MCM9: variants seen among roughly 807,000 people sequenced by gnomAD.
MCM9 encodes the protein DNA helicase MCM9.
A neutral mutation model predicts 72.8 loss-of-function variants in MCM9; 55 were observed. The observed-to-expected ratio is 0.76, with a 90% confidence interval of 0.61 to 0.95. The LOEUF is 0.95. MCM9 is among the 40% of genes least tolerant of loss of function. The pLI is 0.00. For missense variants in MCM9, 1,279 were observed against 1,377.0 expected (o/e 0.93, Z 1.13); for synonymous variants, 480 against 503.4 (o/e 0.95, Z 0.62).
intron 8 of MCM9, among the ~76,000 whole-genome samples, chr6:118,877,163 C>T (rs1777985079): frequency 6.6e-6 from 1 of 152,226 alleles, no homozygotes; most frequent in Admixed American, 6.5e-5. Flanking sequence ...AACCTACAGT[C>T]AGCACCAATG....
intron 8 of MCM9, among the ~76,000 whole-genome samples, chr6:118,871,155 C>G (rs1777573010): frequency 6.6e-6 from 1 of 152,102 alleles, no homozygotes; most frequent in African/African-American, 2.4e-5. Context: ...AAAAAATTTA[C>G]AGGCCAATAT....
At chr6:118,826,046 C>A in intron 13 of MCM9, 101 bp downstream of exon 13, 2 of 1,315,052 alleles carry the variant, frequency 1.5e-6, no homozygotes, top group Non-Finnish European at 1.0e-6. Context: ...GACCCAACAC[C>A]TGATAGATAG....
intron 8 of MCM9, among the ~76,000 whole-genome samples, chr6:118,874,688 G>C (rs1268987953): frequency 6.6e-6 from 1 of 152,194 alleles, no homozygotes; most frequent in Non-Finnish European, 1.5e-5. Context: ...TAGGATGTCT[G>C]AACAAACTGA....
chr6:118,861,720 C>T (rs1440613859), intron 8 of MCM9, among the ~76,000 whole-genome samples: 1 of 152,150 alleles, frequency 6.6e-6, no homozygotes, highest in East Asian at 1.9e-4. Flanking sequence ...GGAGGAAGTG[C>T]ATGCTGACTG....
chr6:118,930,187 T>C (rs1056894629), intron 3 of MCM9, among the ~76,000 whole-genome samples: 2 of 152,190 alleles, frequency 1.3e-5, no homozygotes, highest in South Asian at 2.1e-4. Flanking sequence ...CTCGGCTCAC[T>C]GCAAGCTCCG....
At chr6:118,837,573 T>G (rs922791209) in intron 9 of MCM9, among the ~76,000 whole-genome samples, 2 of 152,232 alleles carry the variant, frequency 1.3e-5, no homozygotes, top group African/African-American at 2.4e-5. Flanking sequence ...GCATATATAT[T>G]CAGGATAGTT....
chr6:118,845,527 T>C (rs1009951951), intron 9 of MCM9, among the ~76,000 whole-genome samples: 28 of 151,918 alleles, frequency 1.8e-4, no homozygotes, highest in African/African-American at 5.8e-4. Context: ...TTAAAAAAAT[T>C]TTTTTGTTGG....
chr6:118,816,249 C>T lies in MCM9; in HGVS notation c.2007G>A (p.Glu669=), dbSNP rs1331284738. The change falls in exon 14 of 14, where the codon GAG becomes GAA. Residue 669 remains glutamate, a synonymous_variant. Coordinates refer to ENST00000619706, the MANE Select transcript of MCM9 (RefSeq NM_017696.3). ...SVHQSQPRVL[E]VETTPGSLRN... ...TCAAGGATCCTGGAGTAGTCTCTACCTCCAATACCCGTGGTTGGGATTGGT... is the reference window on the plus strand; with the variant it reads ...TCAAGGATCCTGGAGTAGTCTCTACTTCCAATACCCGTGGTTGGGATTGGT... 9 of 1,549,594 alleles carry T rather than the reference C, an allele frequency of 5.8e-6. No homozygotes were observed. Among genetic ancestry groups the T allele is most frequent in the Middle Eastern group, 1.7e-4 (1 of 5,982 alleles).
chr6:118,865,370 C>T (rs1163673433), intron 8 of MCM9, among the ~76,000 whole-genome samples: 1 of 152,162 alleles, frequency 6.6e-6, no homozygotes, highest in Non-Finnish European at 1.5e-5. Context: ...CCTAAATATT[C>T]CCTCTCTAAA....
At chr6:118,835,941 T>A (rs1376621420) in intron 9 of MCM9, among the ~76,000 whole-genome samples, 1 of 152,228 alleles carries the variant, frequency 6.6e-6, no homozygotes, top group East Asian at 1.9e-4. Flanking sequence ...TCAAGGGGAA[T>A]GCTTCCAGCT....
chr6:118,861,260 C>G (rs1776886817), intron 8 of MCM9, among the ~76,000 whole-genome samples: 1 of 152,186 alleles, frequency 6.6e-6, no homozygotes, highest in African/African-American at 2.4e-5. Flanking sequence ...TCGGAGACAC[C>G]AGGAACTGCA....
chr6:118,914,976 A>G (rs1162555315), intron 6 of MCM9, among the ~76,000 whole-genome samples: 1 of 152,232 alleles, frequency 6.6e-6, no homozygotes, highest in African/African-American at 2.4e-5. Flanking sequence ...CAAGGGAGTT[A>G]GTAAGTATAC....
At chr6:118,816,321 A>G (rs77045701) in intron 13 of MCM9, 27 bp from the exon 14 acceptor site, 23 of 1,476,524 alleles carry the variant, frequency 1.6e-5, no homozygotes, top group East Asian at 2.5e-5. Context: ...TAAATAAAAC[A>G]TGTCTTGAAG....
chr6:118,920,669 C>G (rs11153780), intron 5 of MCM9: 19,672 of 152,214 alleles, frequency 0.13, 1,472 homozygotes, highest in Non-Finnish European at 0.17. Context: ...CCTCCCTCCC[C>G]ACTCTTGCTC....
chr6:118,868,906 C>A (rs973329781), intron 8 of MCM9, among the ~76,000 whole-genome samples: 1 of 152,106 alleles, frequency 6.6e-6, no homozygotes. Flanking sequence ...CCCAGCAATC[C>A]CATTACTGGG....
At chr6:118,925,247 T>C (rs1781793675) in intron 3 of MCM9, among the ~76,000 whole-genome samples, 1 of 152,210 alleles carries the variant, frequency 6.6e-6, no homozygotes, top group South Asian at 2.1e-4. Flanking sequence ...GCAACTGTTA[T>C]GCCGGTTCAT....
chr6:118,926,923 TG>T lies in MCM9; in HGVS notation c.305-2797del, dbSNP rs1205365951. Reference sequence around the variant, plus strand: ...CAGAAGGATACTCGAGTGGGAAATATGATAATTAACCCAATTTGCTTCTCGA... The same window carrying T: ...CAGAAGGATACTCGAGTGGGAAATATATAATTAACCCAATTTGCTTCTCGA... On this transcript the variant is annotated intron_variant, in intron 3 of 13. Coordinates refer to ENST00000619706, the MANE Select transcript of MCM9 (RefSeq NM_017696.3). Among the ~76,000 whole-genome samples, 3 of 152,266 alleles carry T rather than the reference TG, an allele frequency of 2.0e-5. No individual in the cohort carries two copies. The East Asian group carries it at 5.8e-4, about 29-fold the overall frequency.
At chr6:118,850,779 C>T (rs1776166704) in intron 9 of MCM9, among the ~76,000 whole-genome samples, 1 of 151,682 alleles carries the variant, frequency 6.6e-6, no homozygotes, top group South Asian at 2.1e-4. Context: ...ACCGAATAAT[C>T]CAAGACAGAA....
At chr6:118,826,048 G>A in intron 13 of MCM9, 99 bp downstream of exon 13, 1 of 1,325,240 alleles carries the variant, frequency 7.5e-7, no homozygotes, top group South Asian at 1.5e-5. Flanking sequence ...CCCAACACCT[G>A]ATAGATAGAT....
Sources: gnomAD v4.1 joint callset for allele counts (sites outside exome capture counted in the v4.1 genomes callset) on GRCh38, gnomAD v4.1.1 for gene constraint, MANE v1.5 for transcripts, NCBI Gene and HGNC (gene_info 2026-07-23, HGNC 2026-07-21) for gene names.